The following RBFOX1 variants were observed in gnomAD, a reference collection of about 807,000 sequenced individuals.
RBFOX1 encodes the protein RNA binding fox-1 homolog 1, also known as RNA binding protein fox-1 homolog 1.
RBFOX1 carries 8 observed loss-of-function variants against 57.7 expected under a neutral mutation model. The ratio of observed to expected loss-of-function variants is 0.14; its 90% confidence interval spans 0.08 to 0.25. The LOEUF is 0.25. RBFOX1 is among the 10% of genes least tolerant of loss of function. RBFOX1 has a pLI of 1.00. For missense variants in RBFOX1, 611 were observed against 548.5 expected, an observed-to-expected ratio of 1.11 and a Z score of -1.14; for synonymous variants, 326 against 222.4, an observed-to-expected ratio of 1.47 and a Z score of -4.15.
chr16:6,518,787 C>G (rs1221693490), intron 2 of RBFOX1, among the ~76,000 whole-genome samples: 8 of 96,346 alleles, frequency 8.3e-5, no homozygotes, highest in African/African-American at 1.9e-4. Flanking sequence ...GTCTGTCTGT[C>G]TGTGTGTCTG....
At chr16:7,289,040 A>G (rs1213004316) in intron 4 of RBFOX1, among the ~76,000 whole-genome samples, 1 of 152,222 alleles carries the variant, frequency 6.6e-6, no homozygotes. Context: ...TGTTTTCACT[A>G]AAAAGATCAT....
At position 5,300,533 on chromosome 16, in the gene RBFOX1, G is replaced by A. The variant is rs562865672; in HGVS notation, c.219+60428G>A. 2.0e-5 allele frequency among the ~76,000 whole-genome samples: 3 copies of A among 151,926 alleles called. No individual in the cohort carries two copies. The South Asian group carries it at 6.2e-4, about 32-fold the overall frequency. On this transcript the variant is annotated intron_variant, in intron 1 of 2. Transcript: ENST00000585867. ...AGATAATAATAATGATAAAAAGAAA[G>A]TGTCCTCATCTCTATTATTTTCTGA...
At chr16:6,111,870 G>T (rs1597403950) in intron 1 of RBFOX1, among the ~76,000 whole-genome samples, 1 of 152,212 alleles carries the variant, frequency 6.6e-6, no homozygotes, top group African/African-American at 2.4e-5. Context: ...TGACAAAAAG[G>T]GGTAAGTGTA....
intron 1 of RBFOX1, among the ~76,000 whole-genome samples, chr16:6,020,858 C>T (rs2095060104): frequency 6.6e-6 from 1 of 152,176 alleles, no homozygotes; most frequent in Admixed American, 6.5e-5. Context: ...AGGTGTCACG[C>T]GGAGCCCGGA....
chr16:6,544,019 G>A (rs1229741446), intron 2 of RBFOX1, among the ~76,000 whole-genome samples: 2 of 152,204 alleles, frequency 1.3e-5, no homozygotes, highest in Admixed American at 6.5e-5. Flanking sequence ...TCTTATGTTT[G>A]CCAAATATTA....
chr16:7,195,461 G>A (rs2086464870), intron 4 of RBFOX1, among the ~76,000 whole-genome samples: 1 of 152,132 alleles, frequency 6.6e-6, no homozygotes, highest in Non-Finnish European at 1.5e-5. Context: ...ATATTGGCAA[G>A]GCAAAACAGA....
chr16:7,327,025 A>G (rs775442819), intron 4 of RBFOX1, among the ~76,000 whole-genome samples: 23 of 152,164 alleles, frequency 1.5e-4, no homozygotes, highest in Non-Finnish European at 2.5e-4. Context: ...CAAAAGTGTG[A>G]TCACTATTAA....
In RBFOX1 at chr16:7,418,069, T is replaced by C. The variant is rs73554628; in HGVS notation, c.28-100078T>C. On this transcript the variant is annotated intron_variant, in intron 4 of 15. Coordinates refer to ENST00000550418, the MANE Select transcript of RBFOX1 (RefSeq NM_018723.4). ...ATTCAGTCACTGGAGGCCAAGACAC[T>C]CCCTGTCACTCTCTGCCCAACCCTC... is the stretch of plus-strand genomic sequence containing the variant. 1.9e-3 allele frequency among the ~76,000 whole-genome samples: 289 copies of C among 152,160 alleles called. 1 individual carries two copies. The highest frequency in any genetic ancestry group is 6.8e-3 in the African/African-American group (281 of 41,518).
chr16:7,094,397 GA>G (rs1299354398), intron 4 of RBFOX1, among the ~76,000 whole-genome samples: 3 of 98,084 alleles, frequency 3.1e-5, no homozygotes, highest in East Asian at 2.5e-4. Flanking sequence ...CATTCCAGGT[GA>G]AAAAAAACAT....
chr16:6,844,714 G>C (rs529424207), intron 3 of RBFOX1, among the ~76,000 whole-genome samples: 6 of 152,298 alleles, frequency 3.9e-5, no homozygotes, highest in African/African-American at 1.4e-4. Context: ...TAATTGGATT[G>C]TTGGGTCAAA....
At chr16:5,808,405 C>G (rs561466098) in intron 3 of RBFOX1, among the ~76,000 whole-genome samples, 2 of 152,182 alleles carry the variant, frequency 1.3e-5, no homozygotes, top group African/African-American at 2.4e-5. Flanking sequence ...GATGCGGGCT[C>G]TTTTTTGGTT....
intron 1 of RBFOX1, among the ~76,000 whole-genome samples, chr16:5,389,408 A>C (rs1410258711): frequency 1.3e-5 from 2 of 152,082 alleles, no homozygotes; most frequent in African/African-American, 4.8e-5. Flanking sequence ...GTTGAGCAGC[A>C]ACCCTGGCCT....
chr16:5,642,668 G>A lies in RBFOX1; in HGVS notation c.318+43707G>A, dbSNP rs560831872. On this transcript the variant is annotated intron_variant, in intron 3 of 19. Transcript: ENST00000641259. ...CTCACTGAATAGAAGCTGGCTAGCC[G>A]ATGAATGGGGAATTTACTAGAGGTA... 2.6e-5 allele frequency among the ~76,000 whole-genome samples: 4 copies of A among 152,240 alleles called. No homozygotes were observed. In the East Asian group the frequency reaches 7.7e-4, roughly 29 times the overall value.
At chr16:5,867,150 A>ATGTGTGTGTGTGTG (rs113977862) in intron 3 of RBFOX1, among the ~76,000 whole-genome samples, 6 of 149,212 alleles carry the variant, frequency 4.0e-5, no homozygotes, top group African/African-American at 1.5e-4. Context: ...AAGAAAATGC[A>ATGTGTGTGTGTGTG]TGTGTGTGTG....
rs535330462 is a variant in RBFOX1 at position 7,332,995 on chromosome 16, G to A, written c.28-185152G>A. 89 of 1,613,502 alleles carry A rather than the reference G, an allele frequency of 5.5e-5. No individual in the cohort carries two copies. In the South Asian group the frequency reaches 7.5e-4, roughly 14 times the overall value. On this transcript the variant is annotated intron_variant, in intron 4 of 15. Coordinates refer to ENST00000550418, the MANE Select transcript of RBFOX1 (RefSeq NM_018723.4). ...GCTTCAGAGGGAATAATAACTCTAC[G>A]TAAAGCATGCTGGCGTCTCAAGGAG... is the stretch of plus-strand genomic sequence containing the variant.
chr16:7,677,494 TC>T (rs2073691488), intron 14 of RBFOX1, among the ~76,000 whole-genome samples: 2 of 152,030 alleles, frequency 1.3e-5, no homozygotes, highest in Admixed American at 1.3e-4. Context: ...AATGCAGAAG[TC>T]AGAATGGATG....
chr16:7,094,316 C>G (rs1228481853), intron 4 of RBFOX1, among the ~76,000 whole-genome samples: 4 of 151,946 alleles, frequency 2.6e-5, no homozygotes, highest in South Asian at 2.1e-4. Flanking sequence ...GTTTTGACCA[C>G]TAAGGAACAT....
At chr16:5,270,015 C>T (rs1231385708) in intron 1 of RBFOX1, among the ~76,000 whole-genome samples, 1 of 152,108 alleles carries the variant, frequency 6.6e-6, no homozygotes, top group Non-Finnish European at 1.5e-5. Context: ...TAAATAGCAG[C>T]TGGGTGCAGT....
intron 3 of RBFOX1, among the ~76,000 whole-genome samples, chr16:6,902,084 A>G (rs550356973): frequency 1.3e-5 from 2 of 152,298 alleles, no homozygotes; most frequent in African/African-American, 4.8e-5. Flanking sequence ...ATGTCGGCAT[A>G]TATTTGTCTA....
Sources: allele counts gnomAD v4.1 joint callset (sites outside exome capture counted in the v4.1 genomes callset), GRCh38; gene constraint gnomAD v4.1.1; transcripts MANE v1.5; gene names NCBI Gene and HGNC (gene_info 2026-07-23, HGNC 2026-07-21).